The following SPAG16 variants were observed in gnomAD, a reference collection of about 807,000 sequenced individuals.
SPAG16 encodes sperm-associated antigen 16 protein.
SPAG16 carries 86 observed loss-of-function variants against 80.4 expected under a neutral mutation model. That is an observed-to-expected ratio of 1.07 (90% CI 0.90 to 1.28). The LOEUF is 1.28. Among genes scored for constraint, SPAG16 ranks in the 50% most tolerant of loss-of-function variants. The probability of loss-of-function intolerance (pLI) is 0.00; values close to 1 mark genes in which losing one functional copy is unlikely to be tolerated. For missense variants in SPAG16, 870 were observed against 765.3 expected (o/e 1.14, Z -1.61); for synonymous variants, 294 against 265.9 (o/e 1.11, Z -1.03).
At chr2:213,703,615 C>G (rs1198739787) in intron 10 of SPAG16, among the ~76,000 whole-genome samples, 2 of 152,188 alleles carry the variant, frequency 1.3e-5, no homozygotes, top group Non-Finnish European at 2.9e-5. Flanking sequence ...ATGCACCAAT[C>G]AGCTCCCCTT....
At chr2:214,406,017 A>G (rs1187509952) in intron 15 of SPAG16, among the ~76,000 whole-genome samples, 2 of 152,226 alleles carry the variant, frequency 1.3e-5, no homozygotes, top group Non-Finnish European at 2.9e-5. Context: ...TAAAAATGTC[A>G]TAAAGGTTTT....
intron 15 of SPAG16, among the ~76,000 whole-genome samples, chr2:214,398,782 T>C (rs1373255662): frequency 1.3e-5 from 2 of 152,238 alleles, no homozygotes; most frequent in Non-Finnish European, 2.9e-5. Flanking sequence ...GCATAACTAC[T>C]TTTGTTTCCC....
intron 8 of SPAG16, among the ~76,000 whole-genome samples, chr2:213,374,775 C>G (rs1467072486): frequency 6.6e-6 from 1 of 152,098 alleles, no homozygotes; most frequent in Non-Finnish European, 1.5e-5. Context: ...TAACTGTGCT[C>G]TGTAACTGGC....
chr2:213,647,091 G>T (rs1341795875), intron 10 of SPAG16, among the ~76,000 whole-genome samples: 2 of 152,314 alleles, frequency 1.3e-5, no homozygotes, highest in Admixed American at 1.3e-4. Context: ...CAGAAGGGTT[G>T]TTCTCTTGGG....
intron 15 of SPAG16, among the ~76,000 whole-genome samples, chr2:214,284,765 A>C (rs1279668083): frequency 6.6e-6 from 1 of 151,722 alleles, no homozygotes; most frequent in Non-Finnish European, 1.5e-5. Flanking sequence ...TTATCCAATA[A>C]ACTCATTTTT....
chr2:213,421,165 G>A (rs6721572), intron 9 of SPAG16, among the ~76,000 whole-genome samples: 107 of 152,168 alleles, frequency 7.0e-4, no homozygotes, highest in Non-Finnish European at 1.1e-3. Flanking sequence ...GTCCCAGGAA[G>A]CCACCCTGCC....
intron 13 of SPAG16, among the ~76,000 whole-genome samples, chr2:214,060,211 C>G (rs1238437022): frequency 6.6e-6 from 1 of 152,138 alleles, no homozygotes; most frequent in Non-Finnish European, 1.5e-5. Flanking sequence ...GATTCATCCT[C>G]CGGCTCTACC....
Position 213,679,717 on chromosome 2 carries a change from A to C in SPAG16, c.1071-182768A>C, listed in dbSNP as rs185376141. Among the ~76,000 whole-genome samples the C allele has an allele frequency of 5.9e-5, 9 of 152,310 alleles. No homozygotes were observed. The East Asian group carries it at 1.7e-3, about 29-fold the overall frequency. On this transcript the variant is annotated intron_variant, in intron 10 of 15. Coordinates refer to ENST00000331683, the MANE Select transcript of SPAG16 (RefSeq NM_024532.5). ...AACTTAAGAATGGCATGATACTTTA[A>C]ATTTTTAAAATGAATTTGATAAGGG...
At chr2:213,834,291 T>A (rs527564171) in intron 10 of SPAG16, among the ~76,000 whole-genome samples, 7 of 152,248 alleles carry the variant, frequency 4.6e-5, no homozygotes, top group Admixed American at 4.6e-4. Context: ...GCATAAAAAT[T>A]TTATTTAGCA....
intron 12 of SPAG16, among the ~76,000 whole-genome samples, chr2:213,958,693 T>C (rs548647567): frequency 5.8e-4 from 88 of 152,274 alleles, no homozygotes; most frequent in Non-Finnish European, 8.2e-4. Context: ...TCAGAAAACA[T>C]AATGTGGAGT....
intron 9 of SPAG16, among the ~76,000 whole-genome samples, chr2:213,378,812 A>G (rs1333240095): frequency 3.9e-5 from 6 of 152,314 alleles, no homozygotes; most frequent in African/African-American, 1.4e-4. Flanking sequence ...GGTCTGGGCC[A>G]TATGCAGTCC....
chr2:213,745,249 T>A (rs2067764174), intron 10 of SPAG16, among the ~76,000 whole-genome samples: 1 of 152,202 alleles, frequency 6.6e-6, no homozygotes, highest in Admixed American at 6.5e-5. Flanking sequence ...GCTATTTATT[T>A]TTTTTCTTTT....
intron 10 of SPAG16, among the ~76,000 whole-genome samples, chr2:213,666,194 C>A (rs2063594604): frequency 6.6e-6 from 1 of 152,102 alleles, no homozygotes; most frequent in African/African-American, 2.4e-5. Context: ...ATTAATCCCC[C>A]CAAAATTCGA....
At chr2:213,678,379 A>C (rs1319038560) in intron 10 of SPAG16, among the ~76,000 whole-genome samples, 2 of 152,220 alleles carry the variant, frequency 1.3e-5, no homozygotes, top group African/African-American at 2.4e-5. Flanking sequence ...TAGCAAGACT[A>C]ATAAGGAAAA....
chr2:213,746,448 G>C (rs188593069), intron 10 of SPAG16, among the ~76,000 whole-genome samples: 1 of 152,274 alleles, frequency 6.6e-6, no homozygotes. Context: ...GTTAGTGCAA[G>C]GCAATACTCT....
At chr2:214,070,129 C>T (rs921196529) in intron 13 of SPAG16, among the ~76,000 whole-genome samples, 1 of 150,534 alleles carries the variant, frequency 6.6e-6, no homozygotes, top group Non-Finnish European at 1.5e-5. Flanking sequence ...TGCATTAAGA[C>T]CATGAGTTTT....
intron 13 of SPAG16, among the ~76,000 whole-genome samples, chr2:214,030,110 T>C (rs1360180498): frequency 2.0e-5 from 3 of 152,176 alleles, no homozygotes; most frequent in African/African-American, 2.4e-5. Flanking sequence ...GGAAACTTTA[T>C]ATTCATTGAC....
intron 10 of SPAG16, among the ~76,000 whole-genome samples, chr2:213,543,776 C>T (rs1459337002): frequency 1.3e-5 from 2 of 152,018 alleles, no homozygotes; most frequent in African/African-American, 2.4e-5. Flanking sequence ...ATAAACTCTT[C>T]ATGCACTTTT....
chr2:214,144,918 G>T (rs990876802), intron 14 of SPAG16, among the ~76,000 whole-genome samples: 1 of 151,946 alleles, frequency 6.6e-6, no homozygotes, highest in Non-Finnish European at 1.5e-5. Context: ...TTCTTTTAGA[G>T]ATGCAATATA....
Sources: allele counts gnomAD v4.1 joint callset (sites outside exome capture counted in the v4.1 genomes callset), GRCh38; gene constraint gnomAD v4.1.1; transcripts MANE v1.5; gene names NCBI Gene and HGNC (gene_info 2026-07-23, HGNC 2026-07-21).